The following ADGRL3 variants were observed in gnomAD, a reference collection of about 807,000 sequenced individuals.
ADGRL3 encodes adhesion G protein-coupled receptor L3.
Under a neutral mutation model 153.5 loss-of-function variants are expected in ADGRL3, and 62 were observed. The ratio of observed to expected loss-of-function variants is 0.40; its 90% CI spans 0.33 to 0.50. The LOEUF is 0.50. Ranked by LOEUF, ADGRL3 falls within the 20% of genes least tolerant of loss-of-function variation. The pLI is 0.47. For missense variants in ADGRL3, 1,641 were observed against 1,859.4 expected, an observed-to-expected ratio of 0.88 and a Z score of 2.16; for synonymous variants, 710 against 672.5, an observed-to-expected ratio of 1.06 and a Z score of -0.86.
intron 8 of ADGRL3, among the ~76,000 whole-genome samples, chr4:61,780,349 G>C (rs2097200297): frequency 6.6e-6 from 1 of 152,176 alleles, no homozygotes; most frequent in East Asian, 1.9e-4. Context: ...AGAGCAATGA[G>C]ACTCTAGGCA....
chr4:61,392,697 A>AAAAAG (rs2096825509), intron 2 of ADGRL3, among the ~76,000 whole-genome samples: 1 of 145,946 alleles, frequency 6.9e-6, no homozygotes, highest in African/African-American at 2.5e-5. Flanking sequence ...AAAAAAAAAA[A>AAAAAG]AAAAAAAAAG....
rs907767165 is a variant in ADGRL3 at position 61,671,584 on chromosome 4, T to G, written c.474-5242T>G. Among the ~76,000 whole-genome samples, 9 of 152,324 alleles carry G rather than the reference T, an allele frequency of 5.9e-5. No homozygotes were observed. The South Asian group carries it at 1.2e-3, about 21-fold the overall frequency. On this transcript the variant is annotated intron_variant, in intron 5 of 26. Transcript: ENST00000683033. ...ATATATAAATAAATATGCATCATAT[T>G]ATTACTATGCTCTGAAATTTCTCTT...
intron 21 of ADGRL3, among the ~76,000 whole-genome samples, chr4:62,004,973 G>A (rs1168790403): frequency 6.6e-6 from 1 of 152,022 alleles, no homozygotes; most frequent in Non-Finnish European, 1.5e-5. Flanking sequence ...CAATCCAAGT[G>A]TATTTAAAGA....
intron 1 of ADGRL3, among the ~76,000 whole-genome samples, chr4:61,311,023 T>C (rs990261811): frequency 6.6e-6 from 1 of 151,448 alleles, no homozygotes; most frequent in African/African-American, 2.4e-5. Flanking sequence ...ACATATTACT[T>C]TGTGCCAAAT....
intron 11 of ADGRL3, among the ~76,000 whole-genome samples, chr4:61,903,519 C>A (rs1187228440): frequency 6.6e-6 from 1 of 151,780 alleles, no homozygotes; most frequent in Admixed American, 6.6e-5. Flanking sequence ...ATGATTTATT[C>A]ACTTTAAGAT....
chr4:61,637,770 C>A (rs1018723387), intron 5 of ADGRL3, among the ~76,000 whole-genome samples: 1 of 151,970 alleles, frequency 6.6e-6, no homozygotes, highest in African/African-American at 2.4e-5. Context: ...CCCCACCCCC[C>A]AAAAACGTCA....
intron 9 of ADGRL3, among the ~76,000 whole-genome samples, chr4:61,871,102 C>G: frequency 6.9e-6 from 1 of 145,660 alleles, no homozygotes; most frequent in East Asian, 2.0e-4. Flanking sequence ...CACGGTGAAA[C>G]CCCGTCTCTA....
At chr4:62,006,181 T>A (rs1160454055) in intron 21 of ADGRL3, among the ~76,000 whole-genome samples, 2 of 151,232 alleles carry the variant, frequency 1.3e-5, no homozygotes, top group African/African-American at 4.9e-5. Context: ...ATTACATGCA[T>A]GTGCCATCAT....
At chr4:61,377,394 T>C (rs1179472884) in intron 1 of ADGRL3, among the ~76,000 whole-genome samples, 3 of 152,108 alleles carry the variant, frequency 2.0e-5, no homozygotes, top group Non-Finnish European at 2.9e-5. Flanking sequence ...TGAGGATCAT[T>C]CTCTGGATTT....
intron 2 of ADGRL3, among the ~76,000 whole-genome samples, chr4:61,436,998 C>A (rs1390866916): frequency 1.3e-5 from 2 of 151,942 alleles, no homozygotes; most frequent in Admixed American, 6.6e-5. Flanking sequence ...AACATAATAG[C>A]CCTTACCAAC....
chr4:61,974,448 A>G (rs1342997800), intron 17 of ADGRL3, among the ~76,000 whole-genome samples: 2 of 152,242 alleles, frequency 1.3e-5, no homozygotes, highest in East Asian at 1.9e-4. Flanking sequence ...GATCCTCTCT[A>G]TATCATTTAT....
chr4:61,557,907 T>C (rs2098774749), intron 4 of ADGRL3, among the ~76,000 whole-genome samples: 1 of 151,716 alleles, frequency 6.6e-6, no homozygotes, highest in Non-Finnish European at 1.5e-5. Flanking sequence ...CCTGGATAAG[T>C]ATATTTACAA....
intron 23 of ADGRL3, among the ~76,000 whole-genome samples, chr4:62,033,234 T>C (rs1228246480): frequency 6.6e-6 from 1 of 151,660 alleles, no homozygotes; most frequent in Non-Finnish European, 1.5e-5. Flanking sequence ...GGTTTGAAAG[T>C]GGTTCACATG....
chr4:61,440,377 T>C (rs2097514156), intron 2 of ADGRL3, among the ~76,000 whole-genome samples: 1 of 152,202 alleles, frequency 6.6e-6, no homozygotes, highest in Admixed American at 6.5e-5. Context: ...AATTTGTGGT[T>C]CTTGCGTTTT....
At chr4:61,536,875 T>G (rs6840819) in intron 4 of ADGRL3, among the ~76,000 whole-genome samples, 52,790 of 151,862 alleles carry the variant, frequency 0.35, 9,710 homozygotes, top group East Asian at 0.47. Flanking sequence ...TTAGGCTTTT[T>G]ATATTCAAAG....
chr4:61,255,644 AT>A (rs1182026840), intron 1 of ADGRL3, among the ~76,000 whole-genome samples: 4 of 152,160 alleles, frequency 2.6e-5, no homozygotes, highest in Non-Finnish European at 5.9e-5. Flanking sequence ...CATTATTATT[AT>A]TTTACAGAGG....
chr4:61,219,553 AC>A (rs1310427266), intron 1 of ADGRL3, among the ~76,000 whole-genome samples: 1 of 152,234 alleles, frequency 6.6e-6, no homozygotes, highest in African/African-American at 2.4e-5. Flanking sequence ...TTTCGATGAT[AC>A]CTGAAAAGAG....
At chr4:61,597,742 A>G (rs940236003) in intron 5 of ADGRL3, among the ~76,000 whole-genome samples, 2 of 150,456 alleles carry the variant, frequency 1.3e-5, no homozygotes, top group Non-Finnish European at 3.0e-5. Flanking sequence ...GTTTTCTGTT[A>G]TAGGTGATAT....
At chr4:61,802,653 C>T (rs1302969575) in intron 8 of ADGRL3, among the ~76,000 whole-genome samples, 1 of 152,058 alleles carries the variant, frequency 6.6e-6, no homozygotes, top group Non-Finnish European at 1.5e-5. Context: ...AATAGATTCA[C>T]CTCTCTGATT....
Sources: gnomAD v4.1 joint callset for allele counts (sites outside exome capture counted in the v4.1 genomes callset) on GRCh38, gnomAD v4.1.1 for gene constraint, MANE v1.5 for transcripts, NCBI Gene and HGNC (gene_info 2026-07-23, HGNC 2026-07-21) for gene names.